The following GSK3B variants were observed in gnomAD, a reference collection of about 807,000 sequenced individuals.
GSK3B encodes glycogen synthase kinase 3 beta, also known as glycogen synthase kinase-3 beta.
GSK3B carries 15 observed loss-of-function variants against 56.4 expected under a neutral mutation model. The ratio of observed to expected loss-of-function variants is 0.27; its 90% CI spans 0.18 to 0.41. The LOEUF (loss-of-function observed/expected upper bound fraction) is 0.41, where lower values mean the gene tolerates loss of function less well. Ranked by LOEUF, GSK3B falls within the 10% of genes least tolerant of loss-of-function variation. The pLI is 1.00. For synonymous variants in GSK3B, 181 were observed against 188.9 expected (o/e 0.96, Z 0.34); for missense variants, 300 against 513.4 (o/e 0.58, Z 4.02).
intron 1 of GSK3B, among the ~76,000 whole-genome samples, chr3:120,045,470 C>T (rs919837041): frequency 6.6e-6 from 1 of 152,084 alleles, no homozygotes; most frequent in African/African-American, 2.4e-5. Context: ...CATCCCACCA[C>T]TGTAACTCAC....
In GSK3B at chr3:119,964,093, T is replaced by G. The variant is rs1336804091; in HGVS notation, c.283-16742A>C. On this transcript the variant is annotated intron_variant, in intron 2 of 10. Coordinates refer to ENST00000264235, the MANE Select transcript of GSK3B (RefSeq NM_001146156.2). ...CAGCCTATGGAATGGAAGAAAATAT[T>G]TGCAAACCAAATGTCTGACAAGGAG... Among the ~76,000 whole-genome samples, 4 of 152,146 alleles carry G rather than the reference T, an allele frequency of 2.6e-5. No individual in the cohort carries two copies. The South Asian group carries it at 8.3e-4, about 32-fold the overall frequency.
intron 1 of GSK3B, among the ~76,000 whole-genome samples, chr3:120,049,115 C>A (rs2058126771): frequency 6.6e-6 from 1 of 152,126 alleles, no homozygotes; most frequent in Admixed American, 6.5e-5. Context: ...ATCTACATGA[C>A]AATTCAAATC....
intron 7 of GSK3B, among the ~76,000 whole-genome samples, chr3:119,880,629 A>G (rs2056369230): frequency 6.6e-6 from 1 of 152,220 alleles, no homozygotes; most frequent in Admixed American, 6.5e-5. Context: ...GTTAAAAATA[A>G]ACCGACCTTT....
chr3:120,073,269 G>C (rs1362532383), intron 1 of GSK3B, among the ~76,000 whole-genome samples: 1 of 145,214 alleles, frequency 6.9e-6, no homozygotes, highest in Non-Finnish European at 1.5e-5. Context: ...CGGGCCTGTA[G>C]TCCTAGCTAA....
chr3:120,033,760 TG>T (rs1454579951), intron 1 of GSK3B, among the ~76,000 whole-genome samples: 2 of 152,148 alleles, frequency 1.3e-5, no homozygotes, highest in Admixed American at 6.5e-5. Context: ...TGAAAGTGTG[TG>T]GCACTTCCCC....
chr3:119,861,190 G>A (rs2056096448), intron 9 of GSK3B, among the ~76,000 whole-genome samples: 1 of 152,104 alleles, frequency 6.6e-6, no homozygotes, highest in African/African-American at 2.4e-5. Context: ...TCCAAAATTA[G>A]AATACAGAGT....
chr3:120,032,615 T>C (rs1479714209), intron 1 of GSK3B, among the ~76,000 whole-genome samples: 4 of 152,042 alleles, frequency 2.6e-5, no homozygotes, highest in Non-Finnish European at 2.9e-5. Flanking sequence ...AGAGTTCAAG[T>C]CCAGCCTGGG....
Position 119,823,212 on chromosome 3 carries a change from T to C in GSK3B, c.*3576A>G. The C allele has an allele frequency of 4.4e-6, 1 of 227,030 alleles. No individual in the cohort carries two copies. The highest frequency in any genetic ancestry group is 6.3e-5 in the East Asian group (1 of 15,810). The allele number at this position is 227,030 out of a possible 1,614,324, so 14.1% of individuals were successfully genotyped here. ...TTTGAGGCAAAACATTCTATTTTTC[T>C]TTCAAAAAAGGCCTTCGTGTTGGGC... is the stretch of plus-strand genomic sequence containing the variant. On this transcript the variant is annotated 3_prime_UTR_variant, in exon 11 of 11. Transcript: ENST00000264235.
chr3:120,058,918 G>A (rs2058213943), intron 1 of GSK3B, among the ~76,000 whole-genome samples: 1 of 151,688 alleles, frequency 6.6e-6, no homozygotes, highest in South Asian at 2.1e-4. Context: ...GCTGAGGCAG[G>A]AGGATTGCTT....
chr3:119,959,170 T>G (rs2057245120), intron 2 of GSK3B, among the ~76,000 whole-genome samples: 1 of 152,190 alleles, frequency 6.6e-6, no homozygotes, highest in Non-Finnish European at 1.5e-5. Context: ...ATCTCCCTAT[T>G]TTTTAAACAC....
chr3:120,085,101 C>T (rs1451190209), intron 1 of GSK3B, among the ~76,000 whole-genome samples: 1 of 152,124 alleles, frequency 6.6e-6, no homozygotes, highest in Non-Finnish European at 1.5e-5. Flanking sequence ...CACTGAATAT[C>T]TTTAAAATTT....
At chr3:119,902,575 T>C (rs1184305129) in intron 7 of GSK3B, among the ~76,000 whole-genome samples, 1 of 152,122 alleles carries the variant, frequency 6.6e-6, no homozygotes, top group South Asian at 2.1e-4. Flanking sequence ...TTTTATATTT[T>C]TAGTAGAGAC....
At chr3:119,981,328 C>T (rs1222055479) in intron 2 of GSK3B, among the ~76,000 whole-genome samples, 1 of 152,228 alleles carries the variant, frequency 6.6e-6, no homozygotes, top group African/African-American at 2.4e-5. Flanking sequence ...GTACCTGGTT[C>T]ATCTCATTGG....
chr3:120,027,292 A>C (rs1360009469), intron 1 of GSK3B, among the ~76,000 whole-genome samples: 1 of 151,302 alleles, frequency 6.6e-6, no homozygotes, highest in East Asian at 1.9e-4. Flanking sequence ...CAGGAGAATC[A>C]CTTGAACCCA....
intron 1 of GSK3B, among the ~76,000 whole-genome samples, chr3:120,073,988 A>G (rs983665962): frequency 6.6e-6 from 1 of 152,208 alleles, no homozygotes; most frequent in Non-Finnish European, 1.5e-5. Flanking sequence ...GAAAGTGGAG[A>G]CATTACAATA....
chr3:119,909,753 T>C (rs960770292), intron 6 of GSK3B, among the ~76,000 whole-genome samples: 4 of 152,200 alleles, frequency 2.6e-5, no homozygotes, highest in Admixed American at 2.6e-4. Context: ...CTCTATTCAG[T>C]TCCTCCTATC....
chr3:119,875,786 A>T (rs1044358708), intron 8 of GSK3B, among the ~76,000 whole-genome samples: 1 of 149,960 alleles, frequency 6.7e-6, no homozygotes, highest in Non-Finnish European at 1.5e-5. Context: ...ATACCAAAGG[A>T]AAAAAAAAAG....
At position 119,872,444 on chromosome 3, in the gene GSK3B, C is replaced by T. The variant is rs111343372; in HGVS notation, c.909+3969G>A. Reference sequence around the variant, plus strand: ...CACCCTTGTCATTATATGTATTTAACGCTAAATTTTCCTAAAGGCTATGAG... The same window carrying T: ...CACCCTTGTCATTATATGTATTTAATGCTAAATTTTCCTAAAGGCTATGAG... On this transcript the variant is annotated intron_variant, in intron 8 of 10. Transcript: ENST00000264235. Among the ~76,000 whole-genome samples, 21 of 152,110 alleles carry T rather than the reference C, an allele frequency of 1.4e-4. No individual in the cohort carries two copies. In the South Asian group the frequency reaches 3.7e-3, roughly 27 times the overall value.
intron 8 of GSK3B, among the ~76,000 whole-genome samples, chr3:119,865,796 A>G (rs755398722): frequency 5.7e-4 from 86 of 151,826 alleles, no homozygotes; most frequent in Non-Finnish European, 1.0e-3. Flanking sequence ...TAAGTCACCC[A>G]TATCTTTTGG....
Sources: gnomAD v4.1 joint callset for allele counts (sites outside exome capture counted in the v4.1 genomes callset) on GRCh38, gnomAD v4.1.1 for gene constraint, MANE v1.5 for transcripts, NCBI Gene and HGNC (gene_info 2026-07-23, HGNC 2026-07-21) for gene names.